Variants in MYOCD observed in about 807,000 individuals in gnomAD.
The protein encoded by MYOCD is myocardin.
MYOCD carries 32 observed loss-of-function variants against 96.1 expected under a neutral mutation model. The observed-to-expected ratio is 0.33, with a 90% confidence interval of 0.25 to 0.45. The LOEUF (loss-of-function observed/expected upper bound fraction) is 0.45. Ranked by LOEUF, MYOCD falls within the 20% of genes least tolerant of loss-of-function variation. The pLI is 1.00. For synonymous variants in MYOCD, 469 were observed against 469.0 expected (o/e 1.00, Z 0.00); for missense variants, 1,133 against 1,200.6 (o/e 0.94, Z 0.83).
chr17:12,692,895 A>G (rs72811279), intron 1 of MYOCD, among the ~76,000 whole-genome samples: 14,073 of 152,110 alleles, frequency 0.093, 677 homozygotes, highest in Middle Eastern at 0.16. Flanking sequence ...ATAGTTAACA[A>G]CTTCACAGGA....
At chr17:12,762,791 C>T (rs544087594) in intron 13 of MYOCD, 165 of 346,436 alleles carry the variant, frequency 4.8e-4, no homozygotes, top group Admixed American at 1.1e-3. Context: ...GGGATGGACT[C>T]AGTGTCCTCA....
In MYOCD at chr17:12,756,397, CA is replaced by C; in HGVS notation, c.2059-16del. The C allele has an allele frequency of 1.9e-6, 3 of 1,552,106 alleles. No individual in the cohort carries two copies. Among genetic ancestry groups the C allele is most frequent in the Non-Finnish European group, 2.6e-6 (3 of 1,147,078 alleles). On this transcript the variant is annotated splice_polypyrimidine_tract_variant and intron_variant, in intron 10 of 13. Transcript: ENST00000425538. The stretch of plus-strand genomic sequence containing the variant: ...AGCTGCTGCTGGCCATGTAATTTGT[CA>C]CTTCTTCCTTTGCAGAACTCAGGAG...
intron 5 of MYOCD, among the ~76,000 whole-genome samples, chr17:12,723,966 C>A (rs1460779734): frequency 6.6e-6 from 1 of 152,140 alleles, no homozygotes; most frequent in African/African-American, 2.4e-5. Context: ...TGAATTTTGC[C>A]TTTGGAACTG....
In MYOCD at chr17:12,753,043, A is replaced by C. The variant is rs1362351191; in HGVS notation, c.1755A>C (p.Val585=). 6.2e-7 allele frequency: 1 copy of C among 1,614,140 alleles called. No individual in the cohort carries two copies. Among genetic ancestry groups the C allele is most frequent in the Non-Finnish European group, 8.5e-7 (1 of 1,180,026 alleles). ...CCAGCTGTCCTTTTGCATCCCAAGT[A>C]CCTGTGAAAAGACAAAGCAGCAGCT... ...AVSSCPFASQ[V]PVKRQSSSSE... is the part of the protein sequence containing the mutation. Residue 585 remains valine, a synonymous_variant, in exon 10 of 14, where the codon GTA becomes GTC. Coordinates refer to ENST00000425538, the MANE Select transcript of MYOCD (RefSeq NM_001146312.3).
intron 11 of MYOCD, among the ~76,000 whole-genome samples, chr17:12,757,760 C>T (rs2033053813): frequency 6.6e-6 from 1 of 152,126 alleles, no homozygotes; most frequent in African/African-American, 2.4e-5. Context: ...TCCCAAAGTG[C>T]TAGTATTACA....
intron 9 of MYOCD, among the ~76,000 whole-genome samples, chr17:12,751,148 A>G (rs1453738535): frequency 1.3e-5 from 2 of 152,088 alleles, no homozygotes; most frequent in African/African-American, 2.4e-5. Context: ...GGTATTTAAT[A>G]TGTTTCCTGT....
chr17:12,673,245 A>G (rs1320701133), intron 1 of MYOCD, among the ~76,000 whole-genome samples: 1 of 152,122 alleles, frequency 6.6e-6, no homozygotes, highest in Non-Finnish European at 1.5e-5. Context: ...GCTTCTAAAA[A>G]ATGATTTCAA....
At chr17:12,704,485 G>T (rs551573215) in intron 1 of MYOCD, among the ~76,000 whole-genome samples, 138 of 152,230 alleles carry the variant, frequency 9.1e-4, no homozygotes, top group African/African-American at 3.2e-3. Flanking sequence ...ATTTTACAGT[G>T]TTTTAATTTT....
At chr17:12,687,820 T>C (rs2030209202) in intron 1 of MYOCD, among the ~76,000 whole-genome samples, 1 of 152,050 alleles carries the variant, frequency 6.6e-6, no homozygotes, top group African/African-American at 2.4e-5. Flanking sequence ...AACCAAATAG[T>C]CGAGTGGAGA....
intron 1 of MYOCD, among the ~76,000 whole-genome samples, chr17:12,667,829 T>C (rs1405774380): frequency 6.6e-6 from 1 of 152,196 alleles, no homozygotes; most frequent in Admixed American, 6.5e-5. Flanking sequence ...CTGAAGACCC[T>C]GATCCTGGAG....
chr17:12,715,305 C>T (rs1567584023), intron 2 of MYOCD, among the ~76,000 whole-genome samples: 2 of 72,494 alleles, frequency 2.8e-5, no homozygotes, highest in African/African-American at 4.1e-5. Flanking sequence ...GCCTCTGCTA[C>T]TCCCCGTTTG....
At chr17:12,710,521 A>T (rs1249139090) in intron 2 of MYOCD, 12 of 985,094 alleles carry the variant, frequency 1.2e-5, no homozygotes, top group Non-Finnish European at 1.4e-5. Flanking sequence ...GCAGCCACAT[A>T]CTTACTGCAA....
rs369388772 is a variant in MYOCD, at chr17:12,731,982, T to G, written c.416-4179T>G. On this transcript the variant is annotated intron_variant, in intron 5 of 13. Coordinates refer to ENST00000425538, the MANE Select transcript of MYOCD (RefSeq NM_001146312.3). The stretch of plus-strand genomic sequence containing the variant: ...ACTTGTAGCCCTGAAAGAGTGGTGA[T>G]TGACAGGGGCCCCCATGGTGAGATC... Among the ~76,000 whole-genome samples the G allele has an allele frequency of 1.1e-4, 16 of 152,290 alleles. No homozygotes were observed. The East Asian group carries it at 3.1e-3, about 29-fold the overall frequency.
chr17:12,739,130 A>G, intron 6 of MYOCD, 73 bp from the exon 7 acceptor site: 1 of 1,514,870 alleles, frequency 6.6e-7, no homozygotes, highest in Non-Finnish European at 8.9e-7. Context: ...AGGTATATAT[A>G]CGGACTCTAA....
intron 9 of MYOCD, among the ~76,000 whole-genome samples, chr17:12,748,307 T>C (rs1324671268): frequency 6.6e-6 from 1 of 152,204 alleles, no homozygotes; most frequent in African/African-American, 2.4e-5. Flanking sequence ...TATTATATTA[T>C]GGCTTTTTAA....
rs1221044930 is a variant in MYOCD, at chr17:12,765,389, CT to C, written c.*1750del. 2 of 151,430 alleles carry C rather than the reference CT, an allele frequency of 1.3e-5. No individual in the cohort carries two copies. The highest frequency in any genetic ancestry group is 4.9e-5 in the African/African-American group (2 of 41,226). The allele number at this position is 151,430 out of a possible 1,614,324, so 9.4% of individuals were successfully genotyped here. A position where few individuals can be genotyped will look rare whatever the true frequency, so the allele number is the denominator to read the frequency against. ...AAAATGTTGGGATTTTAGAAGCTCT[CT>C]TTTTGATAAACCAAAGATTTAGAAG... On this transcript the variant is annotated 3_prime_UTR_variant, in exon 14 of 14. Transcript: ENST00000425538.
chr17:12,748,949 G>T (rs2150715582), intron 9 of MYOCD, among the ~76,000 whole-genome samples: 2 of 152,226 alleles, frequency 1.3e-5, no homozygotes, highest in South Asian at 4.1e-4. Flanking sequence ...ATGATAGTGT[G>T]TAGAAAAGTA....
At chr17:12,670,728 G>A (rs1909662825) in intron 1 of MYOCD, among the ~76,000 whole-genome samples, 1 of 152,092 alleles carries the variant, frequency 6.6e-6, no homozygotes, top group African/African-American at 2.4e-5. Context: ...TCTATTTCAA[G>A]TTGCTTTTAG....
At chr17:12,754,056 A>G (rs1220387630) in intron 10 of MYOCD, among the ~76,000 whole-genome samples, 1 of 115,960 alleles carries the variant, frequency 8.6e-6, no homozygotes, top group African/African-American at 3.1e-5. Flanking sequence ...GAGAAAAAGC[A>G]AAGAGGTGTG....
Sources: allele counts gnomAD v4.1 joint callset (sites outside exome capture counted in the v4.1 genomes callset), GRCh38; gene constraint gnomAD v4.1.1; transcripts MANE v1.5; gene names NCBI Gene and HGNC (gene_info 2026-07-23, HGNC 2026-07-21).